Variants in LGR5 observed in about 807,000 individuals in gnomAD.
The protein encoded by LGR5 is leucine-rich repeat-containing G protein-coupled receptor 5.
In LGR5, 54 loss-of-function variants were observed where a neutral mutation model predicts 76.7. The observed-to-expected ratio is 0.70, with a 90% CI of 0.57 to 0.88. The LOEUF (loss-of-function observed/expected upper bound fraction) is 0.88. Ranked by LOEUF, LGR5 falls within the 40% of genes least tolerant of loss-of-function variation. The pLI is 0.00. For missense variants in LGR5, 1,078 were observed against 1,073.3 expected, an observed-to-expected ratio of 1.00 and a Z score of -0.06; for synonymous variants, 406 against 421.9, an observed-to-expected ratio of 0.96 and a Z score of 0.46.
chr12:71,518,884 T>C (rs1313463374), intron 2 of LGR5, among the ~76,000 whole-genome samples: 3 of 152,176 alleles, frequency 2.0e-5, no homozygotes, highest in Non-Finnish European at 4.4e-5. Flanking sequence ...TAATGGGTAC[T>C]AGGCTTGATA....
intron 4 of LGR5, among the ~76,000 whole-genome samples, chr12:71,535,657 G>T (rs2081517714): frequency 6.6e-6 from 1 of 151,998 alleles, no homozygotes; most frequent in Non-Finnish European, 1.5e-5. Flanking sequence ...AATACATTAG[G>T]GATCCTCAAG....
At chr12:71,509,346 C>G (rs1875029799) in intron 2 of LGR5, among the ~76,000 whole-genome samples, 1 of 152,168 alleles carries the variant, frequency 6.6e-6, no homozygotes, top group African/African-American at 2.4e-5. Context: ...TTAACCCCCT[C>G]TTTTCTTTTT....
At chr12:71,581,629 G>C (rs1879096106) in intron 16 of LGR5, among the ~76,000 whole-genome samples, 1 of 152,112 alleles carries the variant, frequency 6.6e-6, no homozygotes, top group African/African-American at 2.4e-5. Context: ...TCTTGTTCTT[G>C]CTTCAGTTTT....
At chr12:71,451,906 C>T (rs1160232394) in intron 1 of LGR5, among the ~76,000 whole-genome samples, 1 of 152,050 alleles carries the variant, frequency 6.6e-6, no homozygotes, top group African/African-American at 2.4e-5. Flanking sequence ...AACCCACAAC[C>T]CCACAACCAC....
intron 1 of LGR5, among the ~76,000 whole-genome samples, chr12:71,473,215 G>GAAGAT (rs1224399731): frequency 3.9e-5 from 6 of 152,164 alleles, no homozygotes; most frequent in African/African-American, 1.4e-4. Flanking sequence ...CTGGCACACA[G>GAAGAT]AAGATTCTAA....
In LGR5 at chr12:71,550,338, A is replaced by G. The variant is rs146894456; in HGVS notation, c.429-2735A>G. Among the ~76,000 whole-genome samples the G allele has an allele frequency of 4.8e-3, 712 of 149,650 alleles. 4 individuals carry two copies. Among genetic ancestry groups the G allele is most frequent in the South Asian group, 0.016 (76 of 4,728 alleles). ...CCTAATTTTTGTATTTTTGGTAGAG[A>G]TGGGGTTTCACCGTGTTGGCTGGGC... On this transcript the variant is annotated intron_variant, in intron 4 of 17. Transcript: ENST00000266674.
At chr12:71,496,146 C>G (rs1302390914) in intron 1 of LGR5, among the ~76,000 whole-genome samples, 1 of 151,972 alleles carries the variant, frequency 6.6e-6, no homozygotes, top group East Asian at 1.9e-4. Flanking sequence ...CCAAGGCAGG[C>G]AGATCACCAG....
chr12:71,582,575 T>G (rs1272950914), intron 17 of LGR5, 36 bp downstream of exon 17: 1 of 1,438,286 alleles, frequency 7.0e-7, no homozygotes, highest in Non-Finnish European at 9.8e-7. Context: ...AACGGCAGTA[T>G]CCACCACTGA....
chr12:71,471,568 C>A (rs921117639), intron 1 of LGR5, among the ~76,000 whole-genome samples: 2 of 151,552 alleles, frequency 1.3e-5, no homozygotes, highest in Admixed American at 1.3e-4. Flanking sequence ...TGTGGATATA[C>A]TAAAAATCAC....
At chr12:71,459,891 A>G (rs1872623149) in intron 1 of LGR5, among the ~76,000 whole-genome samples, 1 of 151,974 alleles carries the variant, frequency 6.6e-6, no homozygotes, top group Non-Finnish European at 1.5e-5. Flanking sequence ...CATTTTTCTC[A>G]TCTGTGAAAT....
chr12:71,560,965 T>C (rs914962381), intron 7 of LGR5, among the ~76,000 whole-genome samples: 1 of 152,236 alleles, frequency 6.6e-6, no homozygotes, highest in Non-Finnish European at 1.5e-5. Flanking sequence ...TTTTAGATGA[T>C]AAAATTTAAT....
chr12:71,569,903 C>A (rs1385656595), intron 11 of LGR5, among the ~76,000 whole-genome samples: 1 of 152,202 alleles, frequency 6.6e-6, no homozygotes, highest in Non-Finnish European at 1.5e-5. Context: ...GACATGGAAT[C>A]AACCCAAATG....
intron 2 of LGR5, among the ~76,000 whole-genome samples, chr12:71,515,921 A>G (rs576793373): frequency 1.6e-4 from 24 of 152,364 alleles, no homozygotes; most frequent in African/African-American, 5.5e-4. Context: ...ACATTTAAAT[A>G]AATAAGGAAA....
At chr12:71,489,818 T>G (rs1873986269) in intron 1 of LGR5, among the ~76,000 whole-genome samples, 1 of 152,118 alleles carries the variant, frequency 6.6e-6, no homozygotes, top group Admixed American at 6.5e-5. Flanking sequence ...GTCCCAGCAC[T>G]TTGGGAGACT....
intron 1 of LGR5, among the ~76,000 whole-genome samples, chr12:71,458,720 T>G (rs996418167): frequency 8.5e-5 from 12 of 141,000 alleles, no homozygotes; most frequent in African/African-American, 1.5e-4. Context: ...TATCCGTTTA[T>G]TCACACAATT....
chr12:71,446,574 A>G (rs1057103196), intron 1 of LGR5, among the ~76,000 whole-genome samples: 1 of 152,226 alleles, frequency 6.6e-6, no homozygotes, highest in Non-Finnish European at 1.5e-5. Flanking sequence ...TCCATTGCTC[A>G]AAATATTTTT....
chr12:71,526,393 A>T (rs1876003235), intron 3 of LGR5, among the ~76,000 whole-genome samples: 1 of 152,110 alleles, frequency 6.6e-6, no homozygotes, highest in Non-Finnish European at 1.5e-5. Context: ...TGAGAAGCAT[A>T]GATTATTTCT....
At chr12:71,502,478 G>A (rs1233436333) in intron 1 of LGR5, among the ~76,000 whole-genome samples, 6 of 152,106 alleles carry the variant, frequency 3.9e-5, no homozygotes, top group Non-Finnish European at 5.9e-5. Context: ...GATTACAGGC[G>A]TGAGCCACCA....
At chr12:71,548,496 G>C (rs1592534158) in intron 4 of LGR5, among the ~76,000 whole-genome samples, 1 of 152,090 alleles carries the variant, frequency 6.6e-6, no homozygotes, top group East Asian at 1.9e-4. Context: ...ACTCATTTTG[G>C]CCACTTTTGC....
Sources: allele counts gnomAD v4.1 joint callset (sites outside exome capture counted in the v4.1 genomes callset), GRCh38; gene constraint gnomAD v4.1.1; transcripts MANE v1.5; gene names NCBI Gene and HGNC (gene_info 2026-07-23, HGNC 2026-07-21).